Variants in CCDC73 observed in about 807,000 individuals in gnomAD.
CCDC73 encodes coiled-coil domain containing 73.
A neutral mutation model predicts 116.5 loss-of-function variants in CCDC73; 95 were observed. The ratio of observed to expected loss-of-function variants is 0.82; its 90% confidence interval spans 0.69 to 0.97. The LOEUF (loss-of-function observed/expected upper bound fraction) is 0.97. Among genes scored for constraint, CCDC73 ranks in the 50% least tolerant of loss-of-function variants. CCDC73 has a pLI of 0.00. For missense variants in CCDC73, 1,066 were observed against 1,206.8 expected, an observed-to-expected ratio of 0.88 and a Z score of 1.73; for synonymous variants, 398 against 401.3, an observed-to-expected ratio of 0.99 and a Z score of 0.10.
chr11:32,611,327 T>C (rs1371926950), intron 16 of CCDC73, 62 bp from the exon 17 acceptor site: 2 of 1,413,046 alleles, frequency 1.4e-6, no homozygotes, highest in African/African-American at 2.9e-5. Flanking sequence ...TTTTAGTGAC[T>C]GAACTTGTTT....
Position 32,611,259 on chromosome 11 carries a change from G to A in CCDC73, c.2903C>T (p.Thr968Ile). 6.2e-7 allele frequency: 1 copy of A among 1,611,752 alleles called. No homozygotes were observed. The highest frequency in any genetic ancestry group is 8.5e-7 in the Non-Finnish European group (1 of 1,179,032). Residue 968 changes from threonine to isoleucine, a missense_variant, in exon 17 of 18, where the codon ACC becomes ATC. Thr to Ile is a moderately conservative substitution (Grantham distance 89). Coordinates refer to ENST00000335185, the MANE Select transcript of CCDC73 (RefSeq NM_001008391.4). Reference sequence around the variant, plus strand: ...AGTGTCAGCAACTCTGTTAATGCTGGTAGTATCTGATTGATAAAGAGGAAA... The same window carrying A: ...AGTGTCAGCAACTCTGTTAATGCTGATAGTATCTGATTGATAAAGAGGAAA... ...DVGKDIGPDT[T>I]SINRVADTLN...
At position 32,791,991 on chromosome 11, in the gene CCDC73, TACACAC is replaced by T. The variant is rs66955881; in HGVS notation, c.-16+2616_-16+2621del. On this transcript the variant is annotated intron_variant, in intron 1 of 17. Transcript: ENST00000335185. ...AAAAAAAAAACCACACACACACACA[TACACAC>T]ACACACACACACACACACACACAAT... Among the ~76,000 whole-genome samples the T allele has an allele frequency of 4.3e-3, 618 of 145,098 alleles. 6 individuals are homozygous for T. The highest frequency in any genetic ancestry group is 0.013 in the African/African-American group (515 of 39,310).
chr11:32,731,241 T>A (rs1029368958), intron 2 of CCDC73, among the ~76,000 whole-genome samples: 3 of 152,110 alleles, frequency 2.0e-5, no homozygotes, highest in Non-Finnish European at 4.4e-5. Context: ...CGCCCACCAC[T>A]GCTGAGGCTT....
intron 9 of CCDC73, among the ~76,000 whole-genome samples, chr11:32,664,467 T>C (rs1453352686): frequency 1.3e-5 from 2 of 152,232 alleles, no homozygotes; most frequent in Non-Finnish European, 2.9e-5. Context: ...TTTATTTGCG[T>C]AGAGGTGTTT....
At chr11:32,803,269 T>C in the CCDC73 span, among the ~76,000 whole-genome samples, 1 of 151,920 alleles carries the variant, frequency 6.6e-6, no homozygotes, top group Non-Finnish European at 1.5e-5. Context: ...TTTTGTATTT[T>C]TAGTAGACAC....
the CCDC73 span, among the ~76,000 whole-genome samples, chr11:32,804,345 G>A: frequency 6.6e-6 from 1 of 152,140 alleles, no homozygotes; most frequent in South Asian, 2.1e-4. Flanking sequence ...CACCCAAGCA[G>A]GTCTCGAACT....
At chr11:32,814,457 G>A in the CCDC73 span, among the ~76,000 whole-genome samples, 1 of 152,186 alleles carries the variant, frequency 6.6e-6, no homozygotes, top group Non-Finnish European at 1.5e-5. Flanking sequence ...ACCAGCAAGT[G>A]AGGTAGGACT....
intron 2 of CCDC73, among the ~76,000 whole-genome samples, chr11:32,746,984 T>A (rs1455667655): frequency 6.6e-5 from 10 of 152,224 alleles, no homozygotes; most frequent in Non-Finnish European, 1.5e-5. Context: ...AGGAGTTGTG[T>A]TCCTTTGGAG....
chr11:32,736,905 A>C (rs1480487227), intron 2 of CCDC73, among the ~76,000 whole-genome samples: 1 of 151,384 alleles, frequency 6.6e-6, no homozygotes, highest in Middle Eastern at 3.2e-3. Flanking sequence ...GCAAACTATC[A>C]TAAGGACAAA....
chr11:32,814,026 T>C, the CCDC73 span, among the ~76,000 whole-genome samples: 1 of 152,238 alleles, frequency 6.6e-6, no homozygotes. Context: ...TTTCTCTTCA[T>C]TTATTTAGGT....
the CCDC73 span, among the ~76,000 whole-genome samples, chr11:32,819,216 A>G: frequency 1.3e-5 from 2 of 152,058 alleles, no homozygotes; most frequent in African/African-American, 4.8e-5. Flanking sequence ...GCAAAGAGGA[A>G]ACATTTGAGT....
chr11:32,714,033 T>C (rs1196608231), intron 3 of CCDC73, among the ~76,000 whole-genome samples: 3 of 152,028 alleles, frequency 2.0e-5, no homozygotes, highest in African/African-American at 7.2e-5. Flanking sequence ...GAAAAACAAA[T>C]TACTTGATTT....
chr11:32,819,866 A>G, the CCDC73 span, among the ~76,000 whole-genome samples: 10 of 152,282 alleles, frequency 6.6e-5, no homozygotes, highest in Non-Finnish European at 1.0e-4. Context: ...ATACATTTAT[A>G]ATGCTTTCTG....
At chr11:32,714,993 T>C (rs1849932100) in intron 3 of CCDC73, among the ~76,000 whole-genome samples, 1 of 152,178 alleles carries the variant, frequency 6.6e-6, no homozygotes, top group African/African-American at 2.4e-5. Context: ...GAGACCATAC[T>C]GTCCACAAAG....
At chr11:32,811,439 C>T in the CCDC73 span, among the ~76,000 whole-genome samples, 1 of 152,026 alleles carries the variant, frequency 6.6e-6, no homozygotes, top group African/African-American at 2.4e-5. Flanking sequence ...ATGCATACTG[C>T]CTTAGCATAT....
intron 13 of CCDC73, among the ~76,000 whole-genome samples, chr11:32,641,360 A>G (rs1855731442): frequency 6.6e-6 from 1 of 152,116 alleles, no homozygotes; most frequent in Admixed American, 6.5e-5. Context: ...ATATTTCACA[A>G]CTTGATTTCA....
At chr11:32,646,874 G>T (rs1855783392) in intron 12 of CCDC73, among the ~76,000 whole-genome samples, 1 of 151,882 alleles carries the variant, frequency 6.6e-6, no homozygotes, top group Admixed American at 6.6e-5. Context: ...CTACTTTTTA[G>T]AAGACAGTAT....
intron 1 of CCDC73, among the ~76,000 whole-genome samples, chr11:32,784,067 C>A (rs540635324): frequency 6.6e-6 from 1 of 152,338 alleles, no homozygotes; most frequent in Admixed American, 6.5e-5. Flanking sequence ...CAGTGGCCCA[C>A]GCCTATAATC....
chr11:32,681,966 T>C (rs1856149638), intron 7 of CCDC73: 1 of 151,872 alleles, frequency 6.6e-6, no homozygotes, highest in Non-Finnish European at 1.5e-5. Context: ...ACTTTTTAAA[T>C]TAAAAGTGAT....
Sources: allele counts gnomAD v4.1 joint callset (sites outside exome capture counted in the v4.1 genomes callset), GRCh38; gene constraint gnomAD v4.1.1; transcripts MANE v1.5; gene names NCBI Gene and HGNC (gene_info 2026-07-23, HGNC 2026-07-21).